The following ATP1A2 variants were observed in gnomAD, a reference collection of about 807,000 sequenced individuals.
ATP1A2 encodes ATPase Na+/K+ transporting subunit alpha 2.
In ATP1A2, 56 loss-of-function variants were observed where a neutral mutation model predicts 113.1. The observed-to-expected ratio is 0.49, with a 90% confidence interval of 0.40 to 0.62. ATP1A2 has a LOEUF of 0.62. ATP1A2 is among the 20% of genes least tolerant of loss of function. The pLI is 0.00. For synonymous variants in ATP1A2, 490 were observed against 526.8 expected, an observed-to-expected ratio of 0.93 and a Z score of 0.96; for missense variants, 712 against 1,357.8, an observed-to-expected ratio of 0.52 and a Z score of 7.47.
chr1:160,127,914 T>C, intron 8 of ATP1A2, 94 bp downstream of exon 8: 1 of 1,477,566 alleles, frequency 6.8e-7, no homozygotes, highest in East Asian at 2.3e-5. Context: ...TTCTCACTAC[T>C]TTTTCCCCCT....
chr1:160,131,329 C>G (rs12136519), intron 13 of ATP1A2, among the ~76,000 whole-genome samples: 23,352 of 152,072 alleles, frequency 0.15, 1,933 homozygotes, highest in South Asian at 0.31. Context: ...AGTATTTTTC[C>G]TTTTTTACAA....
intron 1 of ATP1A2, among the ~76,000 whole-genome samples, chr1:160,117,754 G>A (rs1032651993): frequency 6.6e-6 from 1 of 152,182 alleles, no homozygotes; most frequent in African/African-American, 2.4e-5. Flanking sequence ...CAGCGTGGGA[G>A]TTGGGGGAAG....
chr1:160,129,242 C>A, intron 10 of ATP1A2, 24 bp from the exon 11 acceptor site: 1 of 1,614,186 alleles, frequency 6.2e-7, no homozygotes, highest in East Asian at 2.2e-5. Context: ...CATGCTGACA[C>A]TGAATTCTTG....
rs1651972585 is a variant in ATP1A2, at chr1:160,136,924, G to A, written c.2733G>A (p.Val911=). The A allele has an allele frequency of 1.2e-6, 2 of 1,614,038 alleles. No individual in the cohort carries two copies. Among genetic ancestry groups the A allele is most frequent in the Non-Finnish European group, 1.7e-6 (2 of 1,180,036 alleles). The change falls in exon 20 of 23, where the codon GTG becomes GTA. Residue 911 remains valine (V), a synonymous_variant. Transcript: ENST00000361216. ...AGACCTATGAGCAGCGGAAGGTGGT[G>A]GAGTTCACGTGCCACACGGCATTCT... ...QEWTYEQRKV[V]EFTCHTAFFA...
intron 3 of ATP1A2, among the ~76,000 whole-genome samples, chr1:160,122,587 AG>A (rs1276465855): frequency 6.6e-6 from 1 of 152,180 alleles, no homozygotes; most frequent in Non-Finnish European, 1.5e-5. Context: ...CCTGGGGCTG[AG>A]GGAATAGGGC....
intron 2 of ATP1A2, 50 bp from the exon 3 acceptor site, chr1:160,121,142 A>G (rs1467132223): frequency 6.2e-7 from 1 of 1,608,136 alleles, no homozygotes; most frequent in Non-Finnish European, 8.5e-7. Context: ...GTACCCTCAT[A>G]TGCATCTTAG....
Position 160,141,565 on chromosome 1 carries a change from C to A in ATP1A2, c.*243C>A. On this transcript the variant is annotated 3_prime_UTR_variant, in exon 23 of 23. Coordinates refer to ENST00000361216, the MANE Select transcript of ATP1A2 (RefSeq NM_000702.4). ...GAGTCCCCCCGACCAGATCCTTTTC[C>A]ATCCCACTCCACTATGTTGTCTATT... 1.7e-6 allele frequency: 1 copy of A among 584,682 alleles called. No homozygotes were observed. The highest frequency in any genetic ancestry group is 3.1e-6 in the Non-Finnish European group (1 of 322,900). 36.2% of individuals were successfully genotyped at this position (584,682 alleles called of 1,614,324 possible).
intron 20 of ATP1A2, among the ~76,000 whole-genome samples, chr1:160,137,818 TGG>T (rs1203109047): frequency 1.5e-5 from 2 of 134,886 alleles, no homozygotes; most frequent in African/African-American, 2.7e-5. Flanking sequence ...TTTCTTAGTT[TGG>T]GGCTGGGGAG....
In ATP1A2 at chr1:160,141,622, G is replaced by T; in HGVS notation, c.*300G>T. On this transcript the variant is annotated 3_prime_UTR_variant, in exon 23 of 23. Coordinates refer to ENST00000361216, the MANE Select transcript of ATP1A2 (RefSeq NM_000702.4). ...GAGGAATTAAGGGTTACCCCACCCTGCCCACTCCCATCCCTTCAACCCCAC... is the reference window on the plus strand; with the variant it reads ...GAGGAATTAAGGGTTACCCCACCCTTCCCACTCCCATCCCTTCAACCCCAC... 2.2e-6 allele frequency: 1 copy of T among 448,758 alleles called. No homozygotes were observed. The highest frequency in any genetic ancestry group is 2.2e-5 in the South Asian group (1 of 45,688). The allele number at this position is 448,758 out of a possible 1,614,324, so 27.8% of individuals were successfully genotyped here.
intron 20 of ATP1A2, among the ~76,000 whole-genome samples, chr1:160,138,536 G>A (rs1238555152): frequency 6.6e-6 from 1 of 152,198 alleles, no homozygotes; most frequent in Admixed American, 6.5e-5. Context: ...GAGGTACCTT[G>A]TGTAAGAATA....
At chr1:160,127,936 T>A in intron 8 of ATP1A2, 116 bp downstream of exon 8, 1 of 1,367,158 alleles carries the variant, frequency 7.3e-7, no homozygotes, top group South Asian at 1.5e-5. Context: ...GAGTCACTTA[T>A]TGGATGCGAT....
chr1:160,130,527 T>C lies in ATP1A2; in HGVS notation c.1757T>C (p.Met586Thr). 1.2e-6 allele frequency: 2 copies of C among 1,614,204 alleles called. No individual in the cohort carries two copies. Among genetic ancestry groups the C allele is most frequent in the Non-Finnish European group, 1.7e-6 (2 of 1,180,020 alleles). The part of the protein sequence containing the change: ...PTEKLCFVGL[M>T]SMIDPPRAAV... ...GAGAAGCTTTGCTTTGTGGGGCTCA[T>C]GTCTATGATTGACCCTCCCCGGGCT... The change falls in exon 13 of 23, where the codon ATG (methionine) becomes ACG (threonine). Residue 586 changes from methionine to threonine, a missense_variant. Met to Thr is a moderately conservative substitution (Grantham distance 81). This residue lies in a region of ATP1A2 where 263 missense variants were observed against 380.6 expected (regional missense o/e 0.69). Coordinates refer to ENST00000361216, the MANE Select transcript of ATP1A2 (RefSeq NM_000702.4).
Position 160,141,447 on chromosome 1 carries a change from G to A in ATP1A2, c.*125G>A. ...GGCAACATTTGGGGAGAGATAATGAGGCAACTCAGCAGGCTAAGTTGCGGG... is the reference window on the plus strand; with the variant it reads ...GGCAACATTTGGGGAGAGATAATGAAGCAACTCAGCAGGCTAAGTTGCGGG... On this transcript the variant is annotated 3_prime_UTR_variant, in exon 23 of 23. Transcript: ENST00000361216. The A allele has an allele frequency of 3.9e-6, 5 of 1,270,586 alleles. No homozygotes were observed. Among genetic ancestry groups the A allele is most frequent in the South Asian group, 2.4e-5 (2 of 81,870 alleles). 78.7% of individuals were successfully genotyped at this position (1,270,586 alleles called of 1,614,324 possible).
chr1:160,136,645 T>C lies in ATP1A2; in HGVS notation c.2639T>C (p.Leu880Pro). 1 of 1,614,252 alleles carries C rather than the reference T, an allele frequency of 6.2e-7. No homozygotes were observed. The highest frequency in any genetic ancestry group is 8.5e-7 in the Non-Finnish European group (1 of 1,180,050). ...LAENGFLPSRLLGIRLDWDDR... is the reference protein window; with the variant it reads ...LAENGFLPSRPLGIRLDWDDR... ...GAGAACGGTTTCCTGCCATCACGGCTACTGGGAATCCGCCTCGACTGGGAT... is the reference window on the plus strand; with the variant it reads ...GAGAACGGTTTCCTGCCATCACGGCCACTGGGAATCCGCCTCGACTGGGAT... Residue 880 changes from leucine to proline, a missense_variant, in exon 19 of 23, where the codon CTA (leucine) becomes CCA (proline). Around this residue, in one of 6 missense-constraint regions of ATP1A2, gnomAD observed 188 missense variants for 438.9 expected, o/e 0.43. Transcript: ENST00000361216.
chr1:160,131,190 T>C (rs1222537267), intron 13 of ATP1A2, among the ~76,000 whole-genome samples: 6 of 152,194 alleles, frequency 3.9e-5, no homozygotes, highest in Middle Eastern at 3.2e-3. Context: ...AAACAATTTG[T>C]GTCACATGAC....
In ATP1A2 at chr1:160,135,521, G is replaced by A. The variant is rs1483752429; in HGVS notation, c.2203G>A (p.Gly735Ser). 7 of 1,614,198 alleles carry A rather than the reference G, an allele frequency of 4.3e-6. No homozygotes were observed. Among genetic ancestry groups the A allele is most frequent in the Non-Finnish European group, 5.9e-6 (7 of 1,180,040 alleles). Residue 735 changes from glycine to serine, a missense_variant, in exon 16 of 23, where the codon GGC becomes AGC. Around this residue, in one of 6 missense-constraint regions of ATP1A2, gnomAD observed 188 missense variants for 438.9 expected, o/e 0.43. Transcript: ENST00000361216. The surrounding 1 kb of genome is among the most constrained non-coding windows in gnomAD (Gnocchi z 6.3). The stretch of plus-strand genomic sequence containing the variant: ...CATTGGCATTGCCATGGGCATCTCT[G>A]GCTCTGACGTCTCTAAGCAGGCAGC... ...ADIGIAMGIS[G>S]SDVSKQAADM...
chr1:160,121,357 G>A (rs574662292), intron 3 of ATP1A2, 106 bp downstream of exon 3: 3 of 1,331,940 alleles, frequency 2.3e-6, no homozygotes, highest in East Asian at 2.3e-5. Flanking sequence ...TTACAGATGA[G>A]GAAACTGAGG....
intron 11 of ATP1A2, 107 bp downstream of exon 11, chr1:160,129,507 C>A: frequency 6.6e-7 from 1 of 1,526,180 alleles, no homozygotes; most frequent in Non-Finnish European, 9.0e-7. Context: ...GTCTGAGGGT[C>A]ATGTTCCCTC....
chr1:160,122,123 C>T (rs771566417), intron 3 of ATP1A2, among the ~76,000 whole-genome samples: 17 of 152,188 alleles, frequency 1.1e-4, no homozygotes, highest in Non-Finnish European at 1.9e-4. Context: ...TAGAGTGAGA[C>T]TCCATCTTGA....
Sources: gnomAD v4.1 joint callset for allele counts (sites outside exome capture counted in the v4.1 genomes callset) on GRCh38, gnomAD v4.1.1 for gene constraint, gnomAD v4.1.1 regional missense constraint, Gnocchi (gnomAD v3.1) non-coding constraint, MANE v1.5 for transcripts, NCBI Gene and HGNC (gene_info 2026-07-23, HGNC 2026-07-21) for gene names.